MYO1G: variants seen among roughly 807,000 people sequenced by gnomAD.
MYO1G encodes the protein myosin IG.
MYO1G carries 65 observed loss-of-function variants against 115.3 expected under a neutral mutation model. The observed-to-expected ratio is 0.56, with a 90% CI of 0.46 to 0.69. MYO1G has a LOEUF of 0.69. Among genes scored for constraint, MYO1G ranks in the 30% least tolerant of loss-of-function variants. The pLI is 0.00. For synonymous variants in MYO1G, 510 were observed against 552.6 expected, an observed-to-expected ratio of 0.92 and a Z score of 1.08; for missense variants, 1,204 against 1,393.5, an observed-to-expected ratio of 0.86 and a Z score of 2.16.
In MYO1G at chr7:44,963,094, C is replaced by T; in HGVS notation, c.2776G>A (p.Asp926Asn). ...CGGGCGTGCAGCACCACCAGCTGGT[C>T]TCCTCCGCTGGTCACGCTCAGCCCC... ...VTGLSVTSGG[D>N]QLVVLHARGQ... The change falls in exon 21 of 22, where the codon GAC (aspartate) becomes AAC (asparagine). Residue 926 changes from aspartate to asparagine, a missense_variant. Coordinates refer to ENST00000258787, the MANE Select transcript of MYO1G (RefSeq NM_033054.3). This position sits in a 1 kb window ranked among gnomAD's most constrained non-coding sequence, Gnocchi z 4.1. 2 of 1,518,414 alleles carry T rather than the reference C, an allele frequency of 1.3e-6. No homozygotes were observed. The highest frequency in any genetic ancestry group is 1.2e-5 in the South Asian group (1 of 82,392). 94.1% of individuals were successfully genotyped at this position (1,518,414 alleles called of 1,614,324 possible).
Position 44,966,353 on chromosome 7 carries a change from C to T in MYO1G, c.1950-73G>A. 2 of 1,330,932 alleles carry T rather than the reference C, an allele frequency of 1.5e-6. No individual in the cohort carries two copies. Among genetic ancestry groups the T allele is most frequent in the South Asian group, 1.3e-5 (1 of 77,926 alleles). 82.4% of individuals were successfully genotyped at this position (1,330,932 alleles called of 1,614,324 possible). ...GATGGAGCCCACCCTGCCCACCCCA[C>T]ACCTGGGGAGATGGCAGGGATACAG... On this transcript the variant is annotated intron_variant, in intron 15 of 21. Transcript: ENST00000258787. This position sits in a 1 kb window ranked among gnomAD's most constrained non-coding sequence, Gnocchi z 5.0.
At chr7:44,974,694 CTGTT>C (rs113127092) in intron 5 of MYO1G, 11 of 180,966 alleles carry the variant, frequency 6.1e-5, no homozygotes, top group African/African-American at 2.3e-4. Context: ...TGCAGAGACA[CTGTT>C]TGTTTCCAGG....
At chr7:44,971,589 A>G (rs1238928395) in intron 7 of MYO1G, 84 bp downstream of exon 7, 1 of 980,972 alleles carries the variant, frequency 1.0e-6, no homozygotes, top group Non-Finnish European at 1.5e-6. Flanking sequence ...ATCTCCAGCC[A>G]GTCTCCTCCT....
At position 44,964,193 on chromosome 7, in the gene MYO1G, T is replaced by C; in HGVS notation, c.2632-31A>G. On this transcript the variant is annotated intron_variant, in intron 19 of 21. Coordinates refer to ENST00000258787, the MANE Select transcript of MYO1G (RefSeq NM_033054.3). The surrounding 1 kb of genome is among the most constrained non-coding windows in gnomAD (Gnocchi z 5.1). ...GGAGAGGTGGCTGGACCCAGGCTGG[T>C]GCTGCCCTGTCACCCACCAGGGCCC... 6.4e-7 allele frequency: 1 copy of C among 1,550,724 alleles called. No individual in the cohort carries two copies. The highest frequency in any genetic ancestry group is 8.8e-7 in the Non-Finnish European group (1 of 1,141,818).
At position 44,966,718 on chromosome 7, in the gene MYO1G, T is replaced by C; in HGVS notation, c.1903A>G (p.Arg635Gly). 1.2e-6 allele frequency: 2 copies of C among 1,613,246 alleles called. No individual in the cohort carries two copies. Among genetic ancestry groups the C allele is most frequent in the Non-Finnish European group, 1.7e-6 (2 of 1,179,990 alleles). ...GGCTGGCGGGAAGCGAAGCCAGCCCTGCGGACCCTCACATTCTCCAGCAGC... is the reference window on the plus strand; with the variant it reads ...GGCTGGCGGGAAGCGAAGCCAGCCCCGCGGACCCTCACATTCTCCAGCAGC... ...LGLLENVRVR[R>G]AGFASRQPYS... The change falls in exon 15 of 22, where the codon AGG (arginine) becomes GGG (glycine). Residue 635 changes from arginine to glycine, a missense_variant. Transcript: ENST00000258787. The surrounding 1 kb of genome is among the most constrained non-coding windows in gnomAD (Gnocchi z 5.0).
At chr7:44,975,748 A>C in intron 3 of MYO1G, 99 bp from the exon 4 acceptor site, 43 of 1,328,218 alleles carry the variant, frequency 3.2e-5, no homozygotes, top group Non-Finnish European at 3.8e-5. Flanking sequence ...ACAGCATCTC[A>C]GGATGAGTTC....
At position 44,966,007 on chromosome 7, in the gene MYO1G, G is replaced by A; in HGVS notation, c.2157+66C>T. 1 of 1,581,586 alleles carries A rather than the reference G, an allele frequency of 6.3e-7. No individual in the cohort carries two copies. Among genetic ancestry groups the A allele is most frequent in the Non-Finnish European group, 8.6e-7 (1 of 1,163,346 alleles). Reference sequence around the variant, plus strand: ...TCCTGTGAAACTTACAAGTGTGTTTGTGGCCCCTGGGACACAAGCTTTCCC... The same window carrying A: ...TCCTGTGAAACTTACAAGTGTGTTTATGGCCCCTGGGACACAAGCTTTCCC... On this transcript the variant is annotated intron_variant, in intron 16 of 21. Coordinates refer to ENST00000258787, the MANE Select transcript of MYO1G (RefSeq NM_033054.3). The surrounding 1 kb of genome is among the most constrained non-coding windows in gnomAD (Gnocchi z 5.0).
In MYO1G at chr7:44,966,317, G is replaced by C; in HGVS notation, c.1950-37C>G. ...GGACAGGGCAGTGTGGCCCAGGCCT[G>C]GGGGAGAGATGATGGAGCCCACCCT... On this transcript the variant is annotated intron_variant, in intron 15 of 21. Coordinates refer to ENST00000258787, the MANE Select transcript of MYO1G (RefSeq NM_033054.3). This position sits in a 1 kb window ranked among gnomAD's most constrained non-coding sequence, Gnocchi z 5.0. 9 of 1,545,722 alleles carry C rather than the reference G, an allele frequency of 5.8e-6. No homozygotes were observed. The highest frequency in any genetic ancestry group is 7.9e-6 in the Non-Finnish European group (9 of 1,140,366).
Position 44,969,766 on chromosome 7 carries a change from C to T in MYO1G, c.1442G>A (p.Arg481Gln), listed in dbSNP as rs745720343. Residue 481 changes from arginine to glutamine, a missense_variant, in exon 11 of 22, where the codon CGA becomes CAA. Transcript: ENST00000258787. The surrounding 1 kb of genome is among the most constrained non-coding windows in gnomAD (Gnocchi z 5.0). ...CATGTCCAGGGTCTGCAGGAAGATTCGGTCAGTGATGGTGCCAGCAGAGCT... is the reference window on the plus strand; with the variant it reads ...CATGTCCAGGGTCTGCAGGAAGATTTGGTCAGTGATGGTGCCAGCAGAGCT... ...ACSSAGTITD[R>Q]IFLQTLDMHH... The T allele has an allele frequency of 1.7e-5, 27 of 1,612,624 alleles. No homozygotes were observed. The highest frequency in any genetic ancestry group is 2.1e-5 in the Non-Finnish European group (25 of 1,179,934).
rs1429263746 is a variant in MYO1G, at chr7:44,971,653, G to A, written c.846+20C>T. The stretch of plus-strand genomic sequence containing the variant: ...CCCTTGTGGGGAAGTAGCCCTCCCA[G>A]GCTTCTGAGCCAGGCTCACCAGGTG... On this transcript the variant is annotated intron_variant, in intron 7 of 21. Coordinates refer to ENST00000258787, the MANE Select transcript of MYO1G (RefSeq NM_033054.3). The A allele has an allele frequency of 3.9e-6, 6 of 1,538,024 alleles. No individual in the cohort carries two copies. Among genetic ancestry groups the A allele is most frequent in the African/African-American group, 1.4e-5 (1 of 73,190 alleles).
In MYO1G at chr7:44,964,367, G is replaced by T; in HGVS notation, c.2631+48C>A. 1 of 1,553,776 alleles carries T rather than the reference G, an allele frequency of 6.4e-7. No individual in the cohort carries two copies. ...ACCAGCTTCTAACCTTGCAGACGTG[G>T]CTAGAAAAAGAGCACAGCCCTGAAG... On this transcript the variant is annotated intron_variant, in intron 19 of 21. Transcript: ENST00000258787. The surrounding 1 kb of genome is among the most constrained non-coding windows in gnomAD (Gnocchi z 5.1).
chr7:44,975,153 C>A (rs776086862), intron 5 of MYO1G, 21 bp downstream of exon 5: 5 of 1,613,692 alleles, frequency 3.1e-6, no homozygotes, highest in Non-Finnish European at 4.2e-6. Flanking sequence ...TTTTCCACCT[C>A]CCCTTGCCCT....
chr7:44,967,465 GCAGATGTGGCTCATA>G (rs1195879800), intron 14 of MYO1G, 125 bp downstream of exon 14: 1 of 1,138,170 alleles, frequency 8.8e-7, no homozygotes, highest in East Asian at 2.4e-5. Context: ...CACTGCTGGA[GCAGATGTGGCTCATA>G]CAGACAGGAC....
chr7:44,965,880 T>A lies in MYO1G; in HGVS notation c.2158-20A>T, dbSNP rs1382123423. 1 of 1,595,930 alleles carries A rather than the reference T, an allele frequency of 6.3e-7. No individual in the cohort carries two copies. Among genetic ancestry groups the A allele is most frequent in the Non-Finnish European group, 8.5e-7 (1 of 1,178,440 alleles). The stretch of plus-strand genomic sequence containing the variant: ...CCATGCCTGGGTGGGCCAGGTGGGA[T>A]GGGATACGCAGTCAAATTCAATCAG... On this transcript the variant is annotated intron_variant, in intron 16 of 21. Coordinates refer to ENST00000258787, the MANE Select transcript of MYO1G (RefSeq NM_033054.3).
rs1479928529 is a variant in MYO1G at position 44,962,979 on chromosome 7, T to C, written c.2891A>G (p.His964Arg). 12 of 1,532,642 alleles carry C rather than the reference T, an allele frequency of 7.8e-6. No homozygotes were observed. Among genetic ancestry groups the C allele is most frequent in the South Asian group, 6.0e-5 (5 of 83,728 alleles). 94.9% of individuals were successfully genotyped at this position (1,532,642 alleles called of 1,614,324 possible). A position where few individuals can be genotyped will look rare whatever the true frequency, so the allele number is the denominator to read the frequency against. The stretch of plus-strand genomic sequence containing the variant: ...CCCAGCCTGCACTCACCCCTGGCAG[T>C]GTGCGGCCAGCACGCCCACCAGCTC... ...VGELVGVLAA[H>R]CQGEGRTLEV... Residue 964 changes from histidine (H) to arginine (R), a missense_variant, in exon 21 of 22, where the codon CAC becomes CGC. Transcript: ENST00000258787. This position sits in a 1 kb window ranked among gnomAD's most constrained non-coding sequence, Gnocchi z 5.3.
At position 44,963,881 on chromosome 7, in the gene MYO1G, G is replaced by A. The variant is rs1172190352; in HGVS notation, c.2745+168C>T. On this transcript the variant is annotated intron_variant, in intron 20 of 21. Coordinates refer to ENST00000258787, the MANE Select transcript of MYO1G (RefSeq NM_033054.3). This position sits in a 1 kb window ranked among gnomAD's most constrained non-coding sequence, Gnocchi z 4.1. The stretch of plus-strand genomic sequence containing the variant: ...GGATGGGACCTTTCACTCTGTGGGC[G>A]TGGGAAGCCACTGCAGGATTTTCAG... The A allele has an allele frequency of 2.9e-5, 18 of 620,160 alleles. No individual in the cohort carries two copies. The highest frequency in any genetic ancestry group is 3.0e-4 in the Middle Eastern group (1 of 3,294). 38.4% of individuals were successfully genotyped at this position (620,160 alleles called of 1,614,324 possible).
At chr7:44,976,827 T>C (rs1795057501) in intron 2 of MYO1G, 36 bp downstream of exon 2, 12 of 1,608,234 alleles carry the variant, frequency 7.5e-6, no homozygotes, top group Non-Finnish European at 1.0e-5. Context: ...CAAATGAAGA[T>C]GCCGAGGGTG....
At chr7:44,975,461 G>C (rs1307331281) in intron 4 of MYO1G, 23 bp downstream of exon 4, 2 of 1,594,652 alleles carry the variant, frequency 1.3e-6, no homozygotes, top group Non-Finnish European at 1.7e-6. Flanking sequence ...CCCCATGGAG[G>C]TCTCCTCAGC....
rs1455351826 is a variant in MYO1G at position 44,965,733 on chromosome 7, G to A, written c.2285C>T (p.Ala762Val). Reference sequence around the variant, plus strand: ...ACGCCCGTAGAGTGGCGGCTGCCTTGCAGCCTGGAATCGCCGCTGCAGCTC... The same window carrying A: ...ACGCCCGTAGAGTGGCGGCTGCCTTACAGCCTGGAATCGCCGCTGCAGCTC... ...LAELQRRFQA[A>V]RQPPLYGRDL... is the part of the protein sequence containing the mutation. Residue 762 changes from alanine to valine, a missense_variant, in exon 17 of 22, where the codon GCA becomes GTA. Transcript: ENST00000258787. 2 of 1,610,820 alleles carry A rather than the reference G, an allele frequency of 1.2e-6. No homozygotes were observed. Among genetic ancestry groups the A allele is most frequent in the Admixed American group, 1.7e-5 (1 of 59,986 alleles).
Sources: allele counts gnomAD v4.1 joint callset, GRCh38; gene constraint gnomAD v4.1.1; non-coding constraint Gnocchi (gnomAD v3.1); transcripts MANE v1.5; gene names NCBI Gene and HGNC (gene_info 2026-07-23, HGNC 2026-07-21).